PCM1: variants seen among roughly 807,000 people sequenced by gnomAD.
PCM1 encodes the protein pericentriolar material 1, also known as pericentriolar material 1 protein.
A neutral mutation model predicts 241.9 loss-of-function variants in PCM1; 157 were observed. The ratio of observed to expected loss-of-function variants is 0.65; its 90% CI spans 0.57 to 0.74. PCM1 has a LOEUF of 0.74. PCM1 is among the 30% of genes least tolerant of loss of function. The pLI is 0.00. For missense variants in PCM1, 3,478 were observed against 2,360.1 expected (o/e 1.47, Z -9.81); for synonymous variants, 1,085 against 784.9 (o/e 1.38, Z -6.39).
chr8:17,983,256 C>A (rs1482577331), intron 24 of PCM1: 2 of 1,324,098 alleles, frequency 1.5e-6, no homozygotes, highest in Admixed American at 4.5e-5. Flanking sequence ...AATACTACAG[C>A]AGTCTAACAG....
chr8:17,966,359 C>G lies in PCM1; in HGVS notation c.3107C>G (p.Thr1036Arg), dbSNP rs769856435. 1.2e-6 allele frequency: 2 copies of G among 1,613,754 alleles called. No individual in the cohort carries two copies. Among genetic ancestry groups the G allele is most frequent in the African/African-American group, 1.3e-5 (1 of 75,056 alleles). Residue 1036 changes from threonine (T) to arginine (R), a missense_variant, in exon 20 of 39, where the codon ACG becomes AGG. Thr to Arg is a moderately conservative substitution (Grantham distance 71, BLOSUM62 -1). Transcript: ENST00000325083. The part of the protein sequence containing the change: ...TLSCLLQTLL[T>R]GPYSVMPSNV... ...TCTTGTCTGCTACAAACTCTTCTCA[C>G]GGGTCCTTACAGTGTTATGCCCAGC... is the stretch of plus-strand genomic sequence containing the variant.
rs778723247 is a variant in PCM1 at position 17,991,558 on chromosome 8, C to G, written c.4548C>G (p.His1516Gln). 1.2e-6 allele frequency: 2 copies of G among 1,601,668 alleles called. No homozygotes were observed. ...ATDDLGNTVI[H>Q]LDQALARMRE... ...CAAATGTAGGTAACACCGTGATTCA[C>G]TTAGATCAAGCATTAGCCAGAATGA... is the stretch of plus-strand genomic sequence containing the variant. The change falls in exon 28 of 39, where the codon CAC becomes CAG. Residue 1516 changes from histidine (H) to glutamine (Q), a missense_variant. His to Gln is a conservative substitution (Grantham distance 24). Coordinates refer to ENST00000325083, the MANE Select transcript of PCM1 (RefSeq NM_006197.4).
intron 2 of PCM1, among the ~76,000 whole-genome samples, chr8:17,931,007 T>C (rs1466207047): frequency 6.6e-6 from 1 of 152,220 alleles, no homozygotes; most frequent in African/African-American, 2.4e-5. Context: ...AGTTACAAAG[T>C]ATTCTACCCC....
At chr8:17,951,192 G>GTTA (rs2065887791) in intron 8 of PCM1, among the ~76,000 whole-genome samples, 1 of 152,206 alleles carries the variant, frequency 6.6e-6, no homozygotes, top group Non-Finnish European at 1.5e-5. Context: ...GTTAGCAAGT[G>GTTA]TTATAATTTG....
At chr8:17,971,909 C>T (rs140973521) in intron 22 of PCM1, among the ~76,000 whole-genome samples, 23 of 152,038 alleles carry the variant, frequency 1.5e-4, no homozygotes, top group Non-Finnish European at 2.8e-4. Flanking sequence ...GTGCCTGGCT[C>T]ATTTTTAAAA....
intron 3 of PCM1, among the ~76,000 whole-genome samples, chr8:17,936,565 C>G (rs1441346942): frequency 6.6e-6 from 1 of 152,076 alleles, no homozygotes; most frequent in Non-Finnish European, 1.5e-5. Context: ...TAATAGCTGT[C>G]TTTATTGCTT....
At chr8:17,964,443 A>G in intron 17 of PCM1, 125 bp from the exon 18 acceptor site, 1 of 665,482 alleles carries the variant, frequency 1.5e-6, no homozygotes, top group Non-Finnish European at 2.5e-6. Context: ...AGTTATTGTG[A>G]TTAAATGAAA....
At chr8:18,010,100 G>A (rs940047011) in intron 31 of PCM1, among the ~76,000 whole-genome samples, 4 of 152,176 alleles carry the variant, frequency 2.6e-5, no homozygotes, top group African/African-American at 9.7e-5. Flanking sequence ...TAGATTCTTC[G>A]AGAATATGCA....
intron 21 of PCM1, among the ~76,000 whole-genome samples, chr8:17,968,657 A>G (rs1297060686): frequency 6.6e-6 from 1 of 151,756 alleles, no homozygotes; most frequent in Non-Finnish European, 1.5e-5. Flanking sequence ...CACAATATAT[A>G]TGTACTCAAT....
rs1009089365 is a variant in PCM1, at chr8:17,948,879, G to C, written c.961+1516G>C. On this transcript the variant is annotated intron_variant, in intron 7 of 38. Coordinates refer to ENST00000325083, the MANE Select transcript of PCM1 (RefSeq NM_006197.4). ...GTAGTTAATATTAATCTCTAAACTT[G>C]CATAATCTCCTTTGATCATCAGAGA... 3.3e-5 allele frequency among the ~76,000 whole-genome samples: 5 copies of C among 152,084 alleles called. 1 individual carries two copies. In the South Asian group the frequency reaches 1.0e-3, roughly 32 times the overall value.
intron 2 of PCM1, chr8:17,925,920 A>G (rs1206257991): frequency 1.3e-5 from 2 of 152,112 alleles, no homozygotes; most frequent in African/African-American, 2.4e-5. Context: ...TAGCTCTCCT[A>G]TGAGGACCTG....
chr8:17,942,733 C>T (rs185279897), intron 6 of PCM1, among the ~76,000 whole-genome samples: 13 of 152,152 alleles, frequency 8.5e-5, no homozygotes, highest in African/African-American at 2.4e-4. Flanking sequence ...CGGTGGCTCA[C>T]GCCTGTAATC....
rs2066679942 is a variant in PCM1, at chr8:17,953,047, A to G, written c.1149A>G (p.Pro383=). 1.2e-6 allele frequency: 2 copies of G among 1,608,126 alleles called. No individual in the cohort carries two copies. The highest frequency in any genetic ancestry group is 1.7e-6 in the Non-Finnish European group (2 of 1,176,844). The stretch of plus-strand genomic sequence containing the variant: ...GGGAGGTTTCCCAGAGCAGGAAACC[A>G]TCAGCTTCAGAACGTTTACCTGATG... The part of the protein sequence containing the change: ...LTREVSQSRK[P]SASERLPDEK... Residue 383 remains proline, a synonymous_variant, in exon 9 of 39, where the codon CCA becomes CCG. Coordinates refer to ENST00000325083, the MANE Select transcript of PCM1 (RefSeq NM_006197.4).
chr8:17,966,242 T>C (rs1221284934), intron 19 of PCM1, 24 bp downstream of exon 19: 3 of 1,609,088 alleles, frequency 1.9e-6, no homozygotes, highest in Non-Finnish European at 2.6e-6. Context: ...TGAAAGTATA[T>C]TTTTCGTCTA....
chr8:18,024,118 G>T (rs1319880264), intron 36 of PCM1, among the ~76,000 whole-genome samples: 1 of 152,178 alleles, frequency 6.6e-6, no homozygotes, highest in Admixed American at 6.5e-5. Flanking sequence ...ACTTAACTTG[G>T]GTCATTTCCA....
intron 23 of PCM1, among the ~76,000 whole-genome samples, chr8:17,978,948 G>T (rs184573422): frequency 6.6e-6 from 1 of 152,160 alleles, no homozygotes; most frequent in Non-Finnish European, 1.5e-5. Flanking sequence ...AATCATAGAA[G>T]CTATTCTCAT....
intron 23 of PCM1, among the ~76,000 whole-genome samples, chr8:17,977,622 A>G (rs915636693): frequency 6.6e-6 from 1 of 151,884 alleles, no homozygotes; most frequent in Non-Finnish European, 1.5e-5. Context: ...CCTTCCCCTT[A>G]CCCCCAAGAG....
intron 34 of PCM1, among the ~76,000 whole-genome samples, chr8:18,012,271 A>G (rs887276842): frequency 1.3e-5 from 2 of 152,190 alleles, no homozygotes; most frequent in African/African-American, 4.8e-5. Context: ...CGGCATGTCT[A>G]CACTGTATAC....
chr8:17,964,802 T>A (rs2074159567), intron 18 of PCM1, 34 bp downstream of exon 18: 3 of 1,528,082 alleles, frequency 2.0e-6, no homozygotes, highest in Middle Eastern at 1.8e-4. Flanking sequence ...GTGCTTAATT[T>A]AAGAGGCTCA....
Sources: allele counts gnomAD v4.1 joint callset (sites outside exome capture counted in the v4.1 genomes callset), GRCh38; gene constraint gnomAD v4.1.1; transcripts MANE v1.5; gene names NCBI Gene and HGNC (gene_info 2026-07-23, HGNC 2026-07-21).